Variants in SNTB1 observed in about 807,000 individuals in gnomAD.
SNTB1 encodes beta-1-syntrophin.
Under a neutral mutation model 48.9 loss-of-function variants are expected in SNTB1, and 36 were observed. The observed-to-expected ratio is 0.74, with a 90% CI of 0.56 to 0.97. The LOEUF (loss-of-function observed/expected upper bound fraction) is 0.97. SNTB1 is among the 50% of genes least tolerant of loss of function. SNTB1 has a pLI of 0.00. For missense variants in SNTB1, 786 were observed against 703.4 expected, an observed-to-expected ratio of 1.12 and a Z score of -1.33; for synonymous variants, 299 against 294.6, an observed-to-expected ratio of 1.01 and a Z score of -0.15.
chr8:120,589,820 A>G (rs1226804462), intron 3 of SNTB1, among the ~76,000 whole-genome samples: 2 of 152,196 alleles, frequency 1.3e-5, no homozygotes, highest in East Asian at 3.9e-4. Context: ...CTGCTTCCAA[A>G]TATCACCACA....
chr8:120,767,664 C>T (rs965103928), intron 1 of SNTB1, among the ~76,000 whole-genome samples: 2 of 152,194 alleles, frequency 1.3e-5, no homozygotes, highest in African/African-American at 4.8e-5. Flanking sequence ...TCTTCCTCCT[C>T]ATCTGTGAAA....
At chr8:120,757,408 A>G (rs1289764596) in intron 1 of SNTB1, among the ~76,000 whole-genome samples, 1 of 152,194 alleles carries the variant, frequency 6.6e-6, no homozygotes, top group Non-Finnish European at 1.5e-5. Context: ...GGGTCCTGTT[A>G]GAGCTGAAAA....
At chr8:120,693,633 AT>A in intron 2 of SNTB1, 58 bp downstream of exon 2, 1 of 1,469,882 alleles carries the variant, frequency 6.8e-7, no homozygotes, top group Non-Finnish European at 9.5e-7. Context: ...GAAAGCCCCC[AT>A]TTAGCCTGAG....
At chr8:120,748,241 T>G (rs941696530) in intron 1 of SNTB1, among the ~76,000 whole-genome samples, 10 of 152,216 alleles carry the variant, frequency 6.6e-5, no homozygotes, top group African/African-American at 2.4e-4. Context: ...GTCTCCTGTA[T>G]CCTCTGTATT....
At chr8:120,573,975 C>T (rs1313476081) in intron 4 of SNTB1, among the ~76,000 whole-genome samples, 2 of 152,078 alleles carry the variant, frequency 1.3e-5, no homozygotes, top group Admixed American at 6.6e-5. Flanking sequence ...CTCTAAAGGT[C>T]CGTCTATAGA....
Position 120,549,230 on chromosome 8 carries a change from C to T in SNTB1, c.1137-272G>A, listed in dbSNP as rs539168716. 5.1e-4 allele frequency among the ~76,000 whole-genome samples: 77 copies of T among 152,204 alleles called. No homozygotes were observed. In the South Asian group the frequency reaches 0.014, roughly 27 times the overall value. ...CTATAAGAAAAATAAATAAATGTGA[C>T]GGAGAAAAGAATTTAAATACTGTGT... On this transcript the variant is annotated intron_variant, in intron 4 of 6. Coordinates refer to ENST00000517992, the MANE Select transcript of SNTB1 (RefSeq NM_021021.4).
chr8:120,766,543 C>A (rs1819527691), intron 1 of SNTB1, among the ~76,000 whole-genome samples: 1 of 151,858 alleles, frequency 6.6e-6, no homozygotes, highest in African/African-American at 2.4e-5. Context: ...TATTGTTATC[C>A]ACTCACTTTC....
intron 1 of SNTB1, among the ~76,000 whole-genome samples, chr8:120,754,769 C>G (rs1587136028): frequency 6.6e-6 from 1 of 152,130 alleles, no homozygotes; most frequent in Non-Finnish European, 1.5e-5. Flanking sequence ...AGGGCACAAA[C>G]AAGATCATAA....
intron 1 of SNTB1, among the ~76,000 whole-genome samples, chr8:120,729,458 T>C (rs1270753848): frequency 6.6e-6 from 1 of 152,226 alleles, no homozygotes; most frequent in African/African-American, 2.4e-5. Flanking sequence ...GAAAAAATAA[T>C]GTACGAATAT....
chr8:120,732,810 A>C lies in SNTB1; in HGVS notation c.572-38902T>G, dbSNP rs114164683. Reference sequence around the variant, plus strand: ...GCAGTGAGCTGAGATCACGCTGTGCACTCCAGCCCAGCCTGGGTGACAGAA... The same window carrying C: ...GCAGTGAGCTGAGATCACGCTGTGCCCTCCAGCCCAGCCTGGGTGACAGAA... On this transcript the variant is annotated intron_variant, in intron 1 of 6. Transcript: ENST00000517992. Among the ~76,000 whole-genome samples, 346 of 152,228 alleles carry C rather than the reference A, an allele frequency of 2.3e-3. 1 individual carries two copies. Among genetic ancestry groups the C allele is most frequent in the African/African-American group, 8.2e-3 (340 of 41,548 alleles).
chr8:120,767,542 T>C (rs1819547141), intron 1 of SNTB1, among the ~76,000 whole-genome samples: 1 of 152,228 alleles, frequency 6.6e-6, no homozygotes, highest in African/African-American at 2.4e-5. Flanking sequence ...AAGGATCTAG[T>C]GGTATAGCTG....
chr8:120,655,302 T>C (rs1411012909), intron 2 of SNTB1, among the ~76,000 whole-genome samples: 1 of 152,224 alleles, frequency 6.6e-6, no homozygotes, highest in East Asian at 1.9e-4. Flanking sequence ...TAAAAAATAC[T>C]AAAATGGGTT....
intron 3 of SNTB1, among the ~76,000 whole-genome samples, chr8:120,598,804 A>G (rs1417048829): frequency 5.9e-5 from 9 of 151,956 alleles, no homozygotes; most frequent in Admixed American, 5.9e-4. Context: ...TAGCTTCTAG[A>G]GCTGCATTTT....
chr8:120,720,674 A>C (rs1818644626), intron 1 of SNTB1, among the ~76,000 whole-genome samples: 1 of 152,230 alleles, frequency 6.6e-6, no homozygotes, highest in East Asian at 1.9e-4. Flanking sequence ...CACTGTAAAA[A>C]TGTATCAAGC....
intron 2 of SNTB1, among the ~76,000 whole-genome samples, chr8:120,639,928 G>A (rs1334323475): frequency 6.6e-6 from 1 of 152,084 alleles, no homozygotes; most frequent in Non-Finnish European, 1.5e-5. Flanking sequence ...GTCATTGGTA[G>A]CTTGATGGGG....
intron 1 of SNTB1, among the ~76,000 whole-genome samples, chr8:120,706,551 C>A (rs1327971403): frequency 6.6e-6 from 1 of 152,172 alleles, no homozygotes; most frequent in East Asian, 1.9e-4. Flanking sequence ...ATAATAATTT[C>A]TCTTCCCTGG....
chr8:120,751,421 T>C (rs928453730), intron 1 of SNTB1, among the ~76,000 whole-genome samples: 5 of 152,180 alleles, frequency 3.3e-5, no homozygotes, highest in African/African-American at 1.2e-4. Flanking sequence ...TATTCCTACT[T>C]CTTTTTATTA....
intron 1 of SNTB1, among the ~76,000 whole-genome samples, chr8:120,702,537 T>C (rs1587100694): frequency 6.6e-6 from 1 of 152,314 alleles, no homozygotes; most frequent in East Asian, 1.9e-4. Flanking sequence ...CTTTTCAAAG[T>C]GCTCCTGACA....
At chr8:120,666,785 T>A (rs1817679223) in intron 2 of SNTB1, among the ~76,000 whole-genome samples, 1 of 152,212 alleles carries the variant, frequency 6.6e-6, no homozygotes, top group Non-Finnish European at 1.5e-5. Context: ...AAAAATTATC[T>A]TTTCTATGTT....
Sources: gnomAD v4.1 joint callset for allele counts (sites outside exome capture counted in the v4.1 genomes callset) on GRCh38, gnomAD v4.1.1 for gene constraint, MANE v1.5 for transcripts, NCBI Gene and HGNC (gene_info 2026-07-23, HGNC 2026-07-21) for gene names.